Variants in DUSP28 observed in about 807,000 individuals in gnomAD.
DUSP28 encodes dual specificity phosphatase 28.
A neutral mutation model predicts 8.4 loss-of-function variants in DUSP28; 11 were observed. The observed-to-expected ratio is 1.31, with a 90% CI of 0.83 to 2.17. DUSP28 has a LOEUF of 2.17. Among genes scored for constraint, DUSP28 ranks in the 30% most tolerant of loss-of-function variants. The probability of loss-of-function intolerance (pLI) is 0.00; values close to 1 mark genes in which losing one functional copy is unlikely to be tolerated. For synonymous variants in DUSP28, 178 were observed against 130.9 expected (o/e 1.36, Z -2.46); for missense variants, 373 against 270.4 (o/e 1.38, Z -2.66).
chr2:240,560,998 ACGGCCGCAGCCGCT>A lies in DUSP28; in HGVS notation c.322_335del (p.Ser108ArgfsTer42), dbSNP rs1311751861. Reference sequence around the variant, plus strand: ...GGCGCCTGCCTAGTCTACTGCAAGAACGGCCGCAGCCGCTCGGCCGCCGTCTGCACCGCGTACCT... The same window carrying A: ...GGCGCCTGCCTAGTCTACTGCAAGAACGGCCGCCGTCTGCACCGCGTACCT... On this transcript the variant is annotated frameshift_variant, in exon 1 of 2. Transcript: ENST00000405954. LOFTEE classifies it high-confidence loss of function. 7 of 1,541,602 alleles carry A rather than the reference ACGGCCGCAGCCGCT, an allele frequency of 4.5e-6. No homozygotes were observed. Among genetic ancestry groups the A allele is most frequent in the African/African-American group, 2.8e-5 (2 of 71,560 alleles).
rs2092952646 is a variant in DUSP28, at chr2:240,561,340, G to A, written c.404G>A (p.Ser135Asn). The A allele has an allele frequency of 1.2e-6, 2 of 1,613,900 alleles. No homozygotes were observed. Among genetic ancestry groups the A allele is most frequent in the East Asian group, 2.2e-5 (1 of 44,876 alleles). Residue 135 changes from serine (S) to asparagine (N), a missense_variant, in exon 2 of 2, where the codon AGC (serine) becomes AAC (asparagine). Physicochemically the swap from Ser to Asn is conservative, Grantham distance 46. Coordinates refer to ENST00000405954, the MANE Select transcript of DUSP28 (RefSeq NM_001370465.2). ...SLAKAFQMVK[S>N]ARPVAEPNPG... Reference sequence around the variant, plus strand: ...ACTTCTTGTTTGCAGATGGTGAAGAGCGCTCGCCCGGTAGCAGAACCGAAC... The same window carrying A: ...ACTTCTTGTTTGCAGATGGTGAAGAACGCTCGCCCGGTAGCAGAACCGAAC...
Position 240,560,870 on chromosome 2 carries a change from C to T in DUSP28, c.186C>T (p.Gly62=). 1 of 1,390,990 alleles carries T rather than the reference C, an allele frequency of 7.2e-7. No individual in the cohort carries two copies. The allele number at this position is 1,390,990 out of a possible 1,614,324, so 86.2% of individuals were successfully genotyped here. The change falls in exon 1 of 2, where the codon GGC becomes GGT. Residue 62 remains glycine, a synonymous_variant. Transcript: ENST00000405954. ...SRQQPGPRAP[G]VAELRVPVFD... ...AGCAGCCCGGCCCGCGCGCGCCCGG[C>T]GTGGCAGAGCTGCGCGTGCCCGTGT...
chr2:240,561,609 C>A lies in DUSP28; in HGVS notation c.*142C>A. The A allele has an allele frequency of 9.1e-7, 1 of 1,104,682 alleles. No homozygotes were observed. The highest frequency in any genetic ancestry group is 1.2e-6 in the Non-Finnish European group (1 of 826,408). 68.4% of individuals were successfully genotyped at this position (1,104,682 alleles called of 1,614,324 possible). A position where few individuals can be genotyped will look rare whatever the true frequency, so the allele number is the denominator to read the frequency against. ...CATAGTGCTTTTAATTTTATATTTC[C>A]GGCTGAGGTGATGCACAAATTATCT... On this transcript the variant is annotated 3_prime_UTR_variant, in exon 2 of 2. Transcript: ENST00000405954.
chr2:240,560,914 A>T lies in DUSP28; in HGVS notation c.230A>T (p.Asp77Val). The T allele has an allele frequency of 6.5e-7, 1 of 1,534,804 alleles. No individual in the cohort carries two copies. The highest frequency in any genetic ancestry group is 8.7e-7 in the Non-Finnish European group (1 of 1,154,268). The change falls in exon 1 of 2, where the codon GAC (aspartate) becomes GTC (valine). Residue 77 changes from aspartate (D) to valine (V), a missense_variant. Transcript: ENST00000405954. The stretch of plus-strand genomic sequence containing the variant: ...CCCGTGTTCGACGACCCGGCTGAGG[A>T]CCTGCTGGCGCACCTGGAGCCCACG... ...RVPVFDDPAE[D>V]LLAHLEPTCA...
Position 240,560,822 on chromosome 2 carries a change from G to A in DUSP28, c.138G>A (p.Thr46=). The change falls in exon 1 of 2, where the codon ACG becomes ACA. Residue 46 remains threonine (T), a synonymous_variant. Coordinates refer to ENST00000405954, the MANE Select transcript of DUSP28 (RefSeq NM_001370465.2). The stretch of plus-strand genomic sequence containing the variant: ...AGCAGCTGGCGCGCGCGGGAGTCAC[G>A]CTGTGCGTCAACGTCTCCCGCCAGC... ...AEEQLARAGV[T]LCVNVSRQQP... The A allele has an allele frequency of 2.8e-6, 4 of 1,431,496 alleles. No individual in the cohort carries two copies. Among genetic ancestry groups the A allele is most frequent in the Non-Finnish European group, 3.6e-6 (4 of 1,100,906 alleles). 88.7% of individuals were successfully genotyped at this position (1,431,496 alleles called of 1,614,324 possible).
In DUSP28 at chr2:240,563,056, A is replaced by G. The variant is rs1209324522; in HGVS notation, c.*1589A>G. 1 of 152,338 alleles carries G rather than the reference A, an allele frequency of 6.6e-6. No individual in the cohort carries two copies. The highest frequency in any genetic ancestry group is 1.5e-5 in the Non-Finnish European group (1 of 68,054). The allele number at this position is 152,338 out of a possible 1,614,324, so 9.4% of individuals were successfully genotyped here. On this transcript the variant is annotated 3_prime_UTR_variant, in exon 2 of 2. Transcript: ENST00000405954. ...TAGCACGGCTCCCACGCAGCTCACT[A>G]CAGACATGACCAGAGCAGCAGGAAC...
chr2:240,563,703 C>G lies in DUSP28; in HGVS notation c.*2236C>G, dbSNP rs1357013187. The stretch of plus-strand genomic sequence containing the variant: ...TTCTGGCAAAGCCTGCCGTGTCTTA[C>G]ATTTGTCTCTCTATCCGGATTAGAT... On this transcript the variant is annotated 3_prime_UTR_variant, in exon 2 of 2. Coordinates refer to ENST00000405954, the MANE Select transcript of DUSP28 (RefSeq NM_001370465.2). The G allele has an allele frequency of 2.0e-5, 3 of 152,568 alleles. No individual in the cohort carries two copies. The highest frequency in any genetic ancestry group is 3.7e-4 in the East Asian group (2 of 5,334). 9.5% of individuals were successfully genotyped at this position (152,568 alleles called of 1,614,324 possible).
Position 240,560,680 on chromosome 2 carries a change from GC to G in DUSP28, c.-4del. 1 of 1,515,230 alleles carries G rather than the reference GC, an allele frequency of 6.6e-7. No individual in the cohort carries two copies. The highest frequency in any genetic ancestry group is 8.7e-7 in the Non-Finnish European group (1 of 1,143,862). The allele number at this position is 1,515,230 out of a possible 1,614,324, so 93.9% of individuals were successfully genotyped here. On this transcript the variant is annotated 5_prime_UTR_variant, in exon 1 of 2. Transcript: ENST00000405954. Reference sequence around the variant, plus strand: ...GGCCCAAAAGCAGACTCTTCGGCGGGCGCCATGGGACCGGCAGAAGCTGGGC... The same window carrying G: ...GGCCCAAAAGCAGACTCTTCGGCGGGGCCATGGGACCGGCAGAAGCTGGGC...
Position 240,560,784 on chromosome 2 carries a change from G to C in DUSP28, c.100G>C (p.Ala34Pro). The C allele has an allele frequency of 2.1e-6, 3 of 1,459,162 alleles. No individual in the cohort carries two copies. 90.4% of individuals were successfully genotyped at this position (1,459,162 alleles called of 1,614,324 possible). ...ACTCTTCCTCGGGAGCGCGCGAGCC[G>C]CGGGCGCGGAGGAGCAGCTGGCGCG... is the stretch of plus-strand genomic sequence containing the variant. ...PSLFLGSARA[A>P]GAEEQLARAG... The change falls in exon 1 of 2, where the codon GCG becomes CCG. Residue 34 changes from alanine to proline, a missense_variant. Ala to Pro is a conservative substitution (Grantham distance 27). Transcript: ENST00000405954.
chr2:240,561,094 G>C lies in DUSP28; in HGVS notation c.393+17G>C. 2.0e-6 allele frequency: 3 copies of C among 1,467,172 alleles called. No individual in the cohort carries two copies. The highest frequency in any genetic ancestry group is 2.7e-6 in the Non-Finnish European group (3 of 1,117,880). 90.9% of individuals were successfully genotyped at this position (1,467,172 alleles called of 1,614,324 possible). A position where few individuals can be genotyped will look rare whatever the true frequency, so the allele number is the denominator to read the frequency against. ...GCCTTCCAGGTGGGCGGGCCTTTAG[G>C]GGGGCGGTGTTTCGAGAGGGGCGTG... On this transcript the variant is annotated intron_variant, in intron 1 of 1. Coordinates refer to ENST00000405954, the MANE Select transcript of DUSP28 (RefSeq NM_001370465.2).
chr2:240,564,303 C>T lies in DUSP28; in HGVS notation c.*2836C>T, dbSNP rs1262028162. Among the ~76,000 whole-genome samples the T allele has an allele frequency of 6.6e-6, 1 of 152,258 alleles. No homozygotes were observed. Among genetic ancestry groups the T allele is most frequent in the Non-Finnish European group, 1.5e-5 (1 of 68,044 alleles). ...AAGGGCCCGCTCTGCGGTCCTGCCA[C>T]CAGTGCCCTCTGAGGTCCATGGTCC... On this transcript the variant is annotated 3_prime_UTR_variant, in exon 2 of 2. Coordinates refer to ENST00000405954, the MANE Select transcript of DUSP28 (RefSeq NM_001370465.2).
rs993895290 is a variant in DUSP28, at chr2:240,560,470, C to A, written c.-215C>A. On this transcript the variant is annotated 5_prime_UTR_variant, in exon 1 of 2. Transcript: ENST00000405954. ...CCCGGCGCCCTGGTGAGGCCCAAAC[C>A]TCCCGCCATGCCCCGGCCCCAACGA... 2.9e-6 allele frequency: 2 copies of A among 682,448 alleles called. No individual in the cohort carries two copies. Among genetic ancestry groups the A allele is most frequent in the Non-Finnish European group, 4.2e-6 (2 of 477,550 alleles). 42.3% of individuals were successfully genotyped at this position (682,448 alleles called of 1,614,324 possible). A position where few individuals can be genotyped will look rare whatever the true frequency, so the allele number is the denominator to read the frequency against.
Position 240,561,733 on chromosome 2 carries a change from G to T in DUSP28, c.*266G>T, listed in dbSNP as rs954974942. 1 of 435,796 alleles carries T rather than the reference G, an allele frequency of 2.3e-6. No homozygotes were observed. Among genetic ancestry groups the T allele is most frequent in the Non-Finnish European group, 4.0e-6 (1 of 249,498 alleles). 27.0% of individuals were successfully genotyped at this position (435,796 alleles called of 1,614,324 possible). On this transcript the variant is annotated 3_prime_UTR_variant, in exon 2 of 2. Transcript: ENST00000405954. ...TTATTTACACTCCAGAATCTTGAGT[G>T]TTTGGGGGTGCCGGCGCATTCTACC...
In DUSP28 at chr2:240,560,703, G is replaced by C. The variant is rs764036107; in HGVS notation, c.19G>C (p.Gly7Arg). MGPAEAGRRGAASPVPP... is the reference protein window; with the variant it reads MGPAEARRRGAASPVPP... ...GGGCGCCATGGGACCGGCAGAAGCT[G>C]GGCGCCGCGGGGCCGCCTCGCCCGT... The change falls in exon 1 of 2, where the codon GGG becomes CGG. Residue 7 changes from glycine to arginine, a missense_variant. Transcript: ENST00000405954. The C allele has an allele frequency of 6.5e-7, 1 of 1,527,014 alleles. No individual in the cohort carries two copies. The highest frequency in any genetic ancestry group is 8.7e-7 in the Non-Finnish European group (1 of 1,149,006). 94.6% of individuals were successfully genotyped at this position (1,527,014 alleles called of 1,614,324 possible).
At position 240,561,685 on chromosome 2, in the gene DUSP28, A is replaced by G. The variant is rs2092963144; in HGVS notation, c.*218A>G. 8.8e-6 allele frequency: 6 copies of G among 682,376 alleles called. No homozygotes were observed. The East Asian group carries it at 1.9e-4, about 21-fold the overall frequency. 42.3% of individuals were successfully genotyped at this position (682,376 alleles called of 1,614,324 possible). Reference sequence around the variant, plus strand: ...GGTAAAACATCGAAGACAAATTAAGAAAAAGCAAATAGGGATCCTCCATTA... The same window carrying G: ...GGTAAAACATCGAAGACAAATTAAGGAAAAGCAAATAGGGATCCTCCATTA... On this transcript the variant is annotated 3_prime_UTR_variant, in exon 2 of 2. Coordinates refer to ENST00000405954, the MANE Select transcript of DUSP28 (RefSeq NM_001370465.2).
rs371170468 is a variant in DUSP28, at chr2:240,563,029, C to T, written c.*1562C>T. On this transcript the variant is annotated 3_prime_UTR_variant, in exon 2 of 2. Coordinates refer to ENST00000405954, the MANE Select transcript of DUSP28 (RefSeq NM_001370465.2). The stretch of plus-strand genomic sequence containing the variant: ...CCAAATGTCACCATACTTTTTATTC[C>T]ATAGCACGGCTCCCACGCAGCTCAC... The T allele has an allele frequency of 6.5e-6, 1 of 152,736 alleles. No homozygotes were observed. The highest frequency in any genetic ancestry group is 2.1e-4 in the South Asian group (1 of 4,838). The allele number at this position is 152,736 out of a possible 1,614,324, so 9.5% of individuals were successfully genotyped here. A position where few individuals can be genotyped will look rare whatever the true frequency, so the allele number is the denominator to read the frequency against.
At chr2:240,561,219 CA>C in intron 1 of DUSP28, 110 bp from the exon 2 acceptor site, 1 of 1,573,944 alleles carries the variant, frequency 6.4e-7, no homozygotes, top group Non-Finnish European at 8.6e-7. Flanking sequence ...CTTAGGGAAG[CA>C]GAGAGGCACT....
At chr2:240,561,128 G>C (rs1053588622) in intron 1 of DUSP28, 51 bp downstream of exon 1, 1 of 1,456,178 alleles carries the variant, frequency 6.9e-7, no homozygotes, top group Non-Finnish European at 9.0e-7. Flanking sequence ...TGTCTTCCGG[G>C]GACGAGTTTT....
intron 1 of DUSP28, 44 bp downstream of exon 1, chr2:240,561,121 CT>C: frequency 1.4e-6 from 2 of 1,456,506 alleles, no homozygotes; most frequent in African/African-American, 1.4e-5. Context: ...AGGGGCGTGT[CT>C]TCCGGGGACG....
Sources: allele counts gnomAD v4.1 joint callset (sites outside exome capture counted in the v4.1 genomes callset), GRCh38; gene constraint gnomAD v4.1.1; transcripts MANE v1.5; gene names NCBI Gene and HGNC (gene_info 2026-07-23, HGNC 2026-07-21).